The following ABCA13 variants were observed in gnomAD, a reference collection of about 807,000 sequenced individuals.
ABCA13 encodes ATP binding cassette subfamily A member 13.
ABCA13 carries 476 observed loss-of-function variants against 478.7 expected under a neutral mutation model. That is an observed-to-expected ratio of 0.99 (90% CI 0.92 to 1.07). The LOEUF is 1.07. Among genes scored for constraint, ABCA13 ranks in the 50% least tolerant of loss-of-function variants. ABCA13 has a pLI of 0.00. For missense variants in ABCA13, 6,060 were observed against 5,910.6 expected, an observed-to-expected ratio of 1.03 and a Z score of -0.83; for synonymous variants, 2,252 against 2,158.9, an observed-to-expected ratio of 1.04 and a Z score of -1.20.
chr7:48,385,519 C>A (rs1441072773), intron 35 of ABCA13, among the ~76,000 whole-genome samples: 1 of 152,156 alleles, frequency 6.6e-6, no homozygotes, highest in Non-Finnish European at 1.5e-5. Flanking sequence ...AGTAGTAGTC[C>A]ATGGTGTATA....
At chr7:48,334,546 AG>A (rs1171495359) in intron 27 of ABCA13, among the ~76,000 whole-genome samples, 5 of 152,192 alleles carry the variant, frequency 3.3e-5, no homozygotes, top group African/African-American at 9.6e-5. Context: ...TGTGTTAGCC[AG>A]GATGGTCTCA....
intron 31 of ABCA13, among the ~76,000 whole-genome samples, chr7:48,362,264 G>A (rs2129006430): frequency 6.7e-6 from 1 of 150,286 alleles, no homozygotes. Context: ...GTGGAGTTTG[G>A]CTTTTGGATA....
chr7:48,344,724 G>C (rs1807788792), intron 29 of ABCA13, among the ~76,000 whole-genome samples: 2 of 152,128 alleles, frequency 1.3e-5, no homozygotes, highest in Non-Finnish European at 2.9e-5. Flanking sequence ...ACTCTTACCA[G>C]AGGCTTTGCC....
intron 5 of ABCA13, among the ~76,000 whole-genome samples, chr7:48,226,798 G>A (rs1053695870): frequency 5.9e-5 from 9 of 152,138 alleles, no homozygotes; most frequent in Non-Finnish European, 1.5e-5. Flanking sequence ...TATACTATGG[G>A]CCAGCTGCAT....
chr7:48,424,333 A>C (rs1020332814), intron 41 of ABCA13, among the ~76,000 whole-genome samples: 2 of 152,256 alleles, frequency 1.3e-5, no homozygotes. Flanking sequence ...AAAAACTTGA[A>C]GAACACCTTT....
chr7:48,644,485 G>A (rs1795306219), intron 60 of ABCA13, 132 bp from the exon 61 acceptor site: 1 of 966,760 alleles, frequency 1.0e-6, no homozygotes, highest in Non-Finnish European at 1.5e-6. Flanking sequence ...AGCATTCATT[G>A]GAGACTCACA....
In ABCA13 at chr7:48,389,117, T is replaced by C. The variant is rs1815644490; in HGVS notation, c.11551T>C (p.Tyr3851His). 6.2e-7 allele frequency: 1 copy of C among 1,613,928 alleles called. No individual in the cohort carries two copies. Among genetic ancestry groups the C allele is most frequent in the Non-Finnish European group, 8.5e-7 (1 of 1,179,858 alleles). The change falls in exon 37 of 62, where the codon TAT (tyrosine) becomes CAT (histidine). Residue 3851 changes from tyrosine to histidine, a missense_variant. Around this residue, in one of 3 missense-constraint regions of ABCA13, gnomAD observed 1,627 missense variants for 1,571.0 expected, o/e 1.04. Transcript: ENST00000435803. ...CACCCTGGTGTCTGTGACCAAGGAA[T>C]ATGAGGGCCACAAGGCTGTGGTCCA... ...GVTLVSVTKEYEGHKAVVQDL... is the reference protein window; with the variant it reads ...GVTLVSVTKEHEGHKAVVQDL...
At chr7:48,381,336 TTC>T (rs559310907) in intron 35 of ABCA13, among the ~76,000 whole-genome samples, 90 of 151,402 alleles carry the variant, frequency 5.9e-4, no homozygotes, top group African/African-American at 1.8e-3. Flanking sequence ...GGTGAGAAAT[TTC>T]TCTCTTTTGC....
chr7:48,576,830 A>G (rs975273437), intron 55 of ABCA13, among the ~76,000 whole-genome samples: 3 of 152,124 alleles, frequency 2.0e-5, no homozygotes, highest in Admixed American at 2.0e-4. Flanking sequence ...ACCTCACACT[A>G]AAAGCCCAAA....
intron 41 of ABCA13, among the ~76,000 whole-genome samples, chr7:48,418,373 G>A (rs1445026723): frequency 6.6e-6 from 1 of 152,156 alleles, no homozygotes; most frequent in Non-Finnish European, 1.5e-5. Context: ...CTGGATTTTA[G>A]CCATTCTAAT....
At chr7:48,242,649 G>A (rs1479840209) in intron 10 of ABCA13, among the ~76,000 whole-genome samples, 1 of 152,104 alleles carries the variant, frequency 6.6e-6, no homozygotes. Flanking sequence ...GTATTGGCCA[G>A]GCTGGTCTTG....
In ABCA13 at chr7:48,279,017, T is replaced by G. The variant is rs190991016; in HGVS notation, c.7823T>G (p.Ile2608Arg). The change falls in exon 18 of 62, where the codon ATA becomes AGA. Residue 2608 changes from isoleucine (I) to arginine (R), a missense_variant. Ile to Arg is a moderately conservative substitution (Grantham distance 97). Coordinates refer to ENST00000435803, the MANE Select transcript of ABCA13 (RefSeq NM_152701.5). ...AFEMIGVEPY[I>R]SSNSDIFSMS... ...GAAATGATTGGGGTAGAACCTTATA[T>G]ATCATCAAACTCTGATATTTTCAGT... 4,853 of 1,613,374 alleles carry G rather than the reference T, an allele frequency of 3.0e-3. 17 individuals carry two copies. Among genetic ancestry groups the G allele is most frequent in the Middle Eastern group, 8.1e-3 (49 of 6,062 alleles).
intron 56 of ABCA13, among the ~76,000 whole-genome samples, chr7:48,584,285 C>A (rs1028134667): frequency 6.6e-6 from 1 of 152,138 alleles, no homozygotes; most frequent in African/African-American, 2.4e-5. Flanking sequence ...ATCATTATCA[C>A]AATTTGTCAT....
chr7:48,323,091 C>G (rs1803746577), intron 27 of ABCA13, among the ~76,000 whole-genome samples: 1 of 152,122 alleles, frequency 6.6e-6, no homozygotes, highest in Admixed American at 6.5e-5. Flanking sequence ...GTCCATTCAC[C>G]CACTAAAGGG....
intron 57 of ABCA13, among the ~76,000 whole-genome samples, chr7:48,589,338 G>C (rs989987746): frequency 6.6e-6 from 1 of 151,738 alleles, no homozygotes; most frequent in African/African-American, 2.4e-5. Context: ...AGAAACATCA[G>C]GGTTGGCTTA....
Position 48,647,367 on chromosome 7 carries a change from T to G in ABCA13, c.*1855T>G, listed in dbSNP as rs1430421327. 1 of 152,216 alleles carries G rather than the reference T, an allele frequency of 6.6e-6. No homozygotes were observed. The highest frequency in any genetic ancestry group is 1.9e-4 in the East Asian group (1 of 5,200). 9.4% of individuals were successfully genotyped at this position (152,216 alleles called of 1,614,324 possible). ...GGCTGTATGATTTATTCTCTAATTC[T>G]AACATAGTCTAGTTGTCAAAAGGAA... On this transcript the variant is annotated 3_prime_UTR_variant, in exon 62 of 62. Coordinates refer to ENST00000435803, the MANE Select transcript of ABCA13 (RefSeq NM_152701.5).
chr7:48,537,833 C>T (rs1833686520), intron 55 of ABCA13, among the ~76,000 whole-genome samples: 1 of 151,752 alleles, frequency 6.6e-6, no homozygotes, highest in Non-Finnish European at 1.5e-5. Context: ...GAGCAGATGA[C>T]CAGGGAAACA....
chr7:48,478,738 T>C (rs1427520402), intron 45 of ABCA13, among the ~76,000 whole-genome samples: 1 of 152,118 alleles, frequency 6.6e-6, no homozygotes, highest in African/African-American at 2.4e-5. Context: ...AACATTCTCC[T>C]TGGTGAGTCT....
At chr7:48,282,063 C>T (rs1797128085) in intron 19 of ABCA13, among the ~76,000 whole-genome samples, 1 of 152,178 alleles carries the variant, frequency 6.6e-6, no homozygotes. Context: ...CAGGATCAGT[C>T]TCTTGCTAAA....
Sources: allele counts gnomAD v4.1 joint callset (sites outside exome capture counted in the v4.1 genomes callset), GRCh38; gene constraint gnomAD v4.1.1; regional missense constraint gnomAD v4.1.1; transcripts MANE v1.5; gene names NCBI Gene and HGNC (gene_info 2026-07-23, HGNC 2026-07-21).